TBCD: variants seen among roughly 807,000 people sequenced by gnomAD.
TBCD encodes the protein tubulin folding cofactor D, also known as tubulin-specific chaperone D.
A neutral mutation model predicts 169.3 loss-of-function variants in TBCD; 105 were observed. The ratio of observed to expected loss-of-function variants is 0.62; its 90% confidence interval spans 0.53 to 0.73. TBCD has a LOEUF of 0.73. Among genes scored for constraint, TBCD ranks in the 30% least tolerant of loss-of-function variants. The probability of loss-of-function intolerance (pLI) is 0.00; values close to 1 mark genes in which losing one functional copy is unlikely to be tolerated. For synonymous variants in TBCD, 700 were observed against 643.9 expected (o/e 1.09, Z -1.32); for missense variants, 1,444 against 1,600.1 (o/e 0.90, Z 1.66).
rs2049549836 is a variant in TBCD, at chr17:82,789,507, G to T, written c.771+7786G>T. Among the ~76,000 whole-genome samples, 1 of 152,224 alleles carries T rather than the reference G, an allele frequency of 6.6e-6. No individual in the cohort carries two copies. The highest frequency in any genetic ancestry group is 6.5e-5 in the Admixed American group (1 of 15,288). On this transcript the variant is annotated intron_variant, in intron 7 of 38. Coordinates refer to ENST00000355528, the MANE Select transcript of TBCD (RefSeq NM_005993.5). This position sits in a 1 kb window ranked among gnomAD's most constrained non-coding sequence, Gnocchi z 4.8. ...AGGCAGAGAGCTGGGCTGGGCTGCT[G>T]CTGAGTGGGCTAGAGCTGGGTCTCA... is the stretch of plus-strand genomic sequence containing the variant.
In TBCD at chr17:82,884,605, T is replaced by C. The variant is rs185099755; in HGVS notation, c.1533+403T>C. 8.5e-3 allele frequency among the ~76,000 whole-genome samples: 1,294 copies of C among 152,250 alleles called. 12 individuals are homozygous for C. Among genetic ancestry groups the C allele is most frequent in the African/African-American group, 0.03 (1,253 of 41,542 alleles). On this transcript the variant is annotated intron_variant, in intron 15 of 38. Coordinates refer to ENST00000355528, the MANE Select transcript of TBCD (RefSeq NM_005993.5). This position sits in a 1 kb window ranked among gnomAD's most constrained non-coding sequence, Gnocchi z 4.2. ...TGGCTTTGAGCCTCGGGAGGGGCTGTTGCGAGCAGTGGTCAGCTCTGCTTC... is the reference window on the plus strand; with the variant it reads ...TGGCTTTGAGCCTCGGGAGGGGCTGCTGCGAGCAGTGGTCAGCTCTGCTTC...
chr17:82,945,801 G>C lies in TBCD; in HGVS notation c.*3338G>C, dbSNP rs2063661014. The C allele has an allele frequency of 6.6e-6, 1 of 152,194 alleles. No individual in the cohort carries two copies. The highest frequency in any genetic ancestry group is 1.5e-5 in the Non-Finnish European group (1 of 68,032). The allele number at this position is 152,194 out of a possible 1,614,324, so 9.4% of individuals were successfully genotyped here. ...CAAATATCTTCTGGGGGTGCCCCTG[G>C]TTGAGAACCACTGCTTTAGTGGATA... is the stretch of plus-strand genomic sequence containing the variant. On this transcript the variant is annotated 3_prime_UTR_variant, in exon 39 of 39. Transcript: ENST00000355528.
At chr17:82,887,179 G>GCA (rs1491068419) in intron 15 of TBCD, among the ~76,000 whole-genome samples, 4 of 76,912 alleles carry the variant, frequency 5.2e-5, no homozygotes, top group African/African-American at 3.6e-4. Context: ...GCGCGCGCGC[G>GCA]CACGTGCGCT....
In TBCD at chr17:82,921,476, G is replaced by T. The variant is rs540319868; in HGVS notation, c.2102-25G>T. The T allele has an allele frequency of 2.5e-6, 4 of 1,605,174 alleles. No individual in the cohort carries two copies. The African/African-American group carries it at 4.0e-5, about 16-fold the overall frequency. On this transcript the variant is annotated intron_variant, in intron 24 of 38. Coordinates refer to ENST00000355528, the MANE Select transcript of TBCD (RefSeq NM_005993.5). ...TTTCATGGTGTTTTTGATTGCCTGG[G>T]TACGCTAACTTGATTTTTTGACAGA...
At chr17:82,937,895 GCACA>G (rs1415344496) in intron 35 of TBCD, 150 bp from the exon 36 acceptor site, 17 of 1,528,518 alleles carry the variant, frequency 1.1e-5, no homozygotes, top group Middle Eastern at 3.3e-4. Flanking sequence ...GCAGATGTAC[GCACA>G]CACACACCTC....
intron 13 of TBCD, among the ~76,000 whole-genome samples, chr17:82,849,959 T>TGTTGTTG (rs2055530178): frequency 2.0e-5 from 3 of 150,466 alleles, no homozygotes; most frequent in East Asian, 1.9e-4. Context: ...TTGCCTGTGC[T>TGTTGTTG]GCTGTTGGCT....
At chr17:82,781,755 A>C in intron 7 of TBCD, 34 bp downstream of exon 7, 4 of 1,599,344 alleles carry the variant, frequency 2.5e-6, no homozygotes, top group Non-Finnish European at 3.4e-6. Context: ...TGGAGATCGC[A>C]GGGAAATGGC....
intron 28 of TBCD, 61 bp downstream of exon 28, chr17:82,926,552 T>C: frequency 7.0e-7 from 1 of 1,422,426 alleles, no homozygotes; most frequent in Non-Finnish European, 9.9e-7. Context: ...AGATGAACGC[T>C]AAGGGGGATG....
At chr17:82,838,845 A>T in intron 13 of TBCD, 2 of 985,408 alleles carry the variant, frequency 2.0e-6, no homozygotes, top group Non-Finnish European at 2.4e-6. Context: ...TCGTAAACAA[A>T]CGCTCACCAC....
chr17:82,893,021 CCCCCAG>C (rs2059248463), intron 16 of TBCD: 2 of 152,554 alleles, frequency 1.3e-5, no homozygotes, highest in African/African-American at 4.8e-5. Flanking sequence ...GGGCCAGCTG[CCCCCAG>C]TCAACGTCTT....
intron 19 of TBCD, among the ~76,000 whole-genome samples, chr17:82,904,475 T>C (rs527902023): frequency 6.6e-6 from 1 of 152,376 alleles, no homozygotes; most frequent in South Asian, 2.1e-4. Context: ...ACTCAAAGTC[T>C]GCCCAGGACT....
At chr17:82,875,486 T>A (rs987482039) in intron 14 of TBCD, among the ~76,000 whole-genome samples, 27 of 152,360 alleles carry the variant, frequency 1.8e-4, no homozygotes, top group Admixed American at 1.2e-3. Context: ...CCTGAAACTC[T>A]TTTGTAAGCA....
intron 12 of TBCD, 21 bp from the exon 13 acceptor site, chr17:82,814,819 C>A (rs747758494): frequency 6.8e-6 from 11 of 1,613,448 alleles, no homozygotes; most frequent in Admixed American, 3.3e-5. Context: ...GCTGTGGTCT[C>A]AGGATCTTTG....
chr17:82,876,690 T>TA (rs2058002557), intron 14 of TBCD, among the ~76,000 whole-genome samples: 1 of 152,252 alleles, frequency 6.6e-6, no homozygotes, highest in South Asian at 2.1e-4. Context: ...TGTGTTTAGT[T>TA]AAAAACAGCG....
Position 82,835,540 on chromosome 17 carries a change from A to G in TBCD, c.1318+20606A>G, listed in dbSNP as rs1003668640. On this transcript the variant is annotated intron_variant, in intron 13 of 38. Transcript: ENST00000355528. This position sits in a 1 kb window ranked among gnomAD's most constrained non-coding sequence, Gnocchi z 4.5. The stretch of plus-strand genomic sequence containing the variant: ...TGGGTTCAAGAGATTCTCCTGCCTC[A>G]GCCTCCCTAGTAGCTGGGATTACAG... Among the ~76,000 whole-genome samples the G allele has an allele frequency of 6.6e-6, 1 of 152,228 alleles. No homozygotes were observed. Among genetic ancestry groups the G allele is most frequent in the East Asian group, 1.9e-4 (1 of 5,178 alleles).
At chr17:82,847,757 G>T (rs2066796690) in intron 13 of TBCD, among the ~76,000 whole-genome samples, 1 of 152,142 alleles carries the variant, frequency 6.6e-6, no homozygotes, top group Non-Finnish European at 1.5e-5. Flanking sequence ...GAATAGCTGG[G>T]ATCACAGTTG....
intron 9 of TBCD, among the ~76,000 whole-genome samples, chr17:82,804,930 C>T (rs978998400): frequency 1.3e-5 from 2 of 152,224 alleles, no homozygotes; most frequent in African/African-American, 2.4e-5. Flanking sequence ...GCATCAGCAC[C>T]AGTGTGTGAG....
At chr17:82,753,866 AG>A (rs940516597) in intron 1 of TBCD, among the ~76,000 whole-genome samples, 1 of 106,094 alleles carries the variant, frequency 9.4e-6, no homozygotes, top group South Asian at 3.5e-4. Context: ...ACTAGACTAG[AG>A]GTTTTTTTTT....
intron 13 of TBCD, chr17:82,840,354 CAT>C (rs967941053): frequency 2.1e-4 from 32 of 152,276 alleles, no homozygotes; most frequent in African/African-American, 7.2e-4. Flanking sequence ...ATGATAAAGA[CAT>C]GTGAGACTTT....
Sources: gnomAD v4.1 joint callset for allele counts (sites outside exome capture counted in the v4.1 genomes callset) on GRCh38, gnomAD v4.1.1 for gene constraint, Gnocchi (gnomAD v3.1) non-coding constraint, MANE v1.5 for transcripts, NCBI Gene and HGNC (gene_info 2026-07-23, HGNC 2026-07-21) for gene names.